Variants in ERICH6B observed in about 807,000 individuals in gnomAD.
ERICH6B encodes glutamate-rich protein 6B.
In ERICH6B, 69 loss-of-function variants were observed where a neutral mutation model predicts 80.0. The observed-to-expected ratio is 0.86, with a 90% CI of 0.71 to 1.05. The LOEUF is 1.05. Among genes scored for constraint, ERICH6B ranks in the 50% least tolerant of loss-of-function variants. ERICH6B has a pLI of 0.00. For missense variants in ERICH6B, 754 were observed against 796.1 expected (o/e 0.95, Z 0.64); for synonymous variants, 283 against 291.9 (o/e 0.97, Z 0.31).
intron 5 of ERICH6B, among the ~76,000 whole-genome samples, chr13:45,583,709 G>A (rs1288591962): frequency 2.0e-5 from 3 of 152,142 alleles, no homozygotes; most frequent in Non-Finnish European, 4.4e-5. Context: ...TGGACCTGAT[G>A]GTTTTATAAG....
chr13:45,559,863 AT>A (rs2137973734), intron 11 of ERICH6B, among the ~76,000 whole-genome samples: 1 of 152,312 alleles, frequency 6.6e-6, no homozygotes, highest in African/African-American at 2.4e-5. Context: ...TAGAAAGTAT[AT>A]TCTGCAGTGT....
At chr13:45,601,233 C>A (rs1022954866) in intron 2 of ERICH6B, among the ~76,000 whole-genome samples, 1 of 152,064 alleles carries the variant, frequency 6.6e-6, no homozygotes, top group African/African-American at 2.4e-5. Context: ...CTCTTTTCTC[C>A]TGTTGCAATA....
chr13:45,546,447 T>A (rs1212031635), intron 13 of ERICH6B, among the ~76,000 whole-genome samples: 1 of 152,248 alleles, frequency 6.6e-6, no homozygotes, highest in African/African-American at 2.4e-5. Context: ...GGCGATGTAC[T>A]ACATTTTATC....
rs116013470 is a variant in ERICH6B at position 45,554,962 on chromosome 13, C to A, written c.1408-4646G>T. Among the ~76,000 whole-genome samples, 852 of 152,286 alleles carry A rather than the reference C, an allele frequency of 5.6e-3. 8 individuals carry two copies. The highest frequency in any genetic ancestry group is 0.019 in the African/African-American group (806 of 41,548). On this transcript the variant is annotated intron_variant, in intron 11 of 14. Coordinates refer to ENST00000298738, the MANE Select transcript of ERICH6B (RefSeq NM_182542.3). ...ACTAAATGTGCCACTCCTTGCCACA[C>A]CTCATGGGTGCTTGGTGCAGCCCAA...
intron 7 of ERICH6B, among the ~76,000 whole-genome samples, chr13:45,577,758 A>C (rs1276533978): frequency 6.6e-6 from 1 of 152,070 alleles, no homozygotes; most frequent in Non-Finnish European, 1.5e-5. Flanking sequence ...ATGCCTGATT[A>C]ATTTTTAAAT....
Position 45,550,204 on chromosome 13 carries a change from C to T in ERICH6B, c.1493+27G>A, listed in dbSNP as rs759438269. The T allele has an allele frequency of 1.3e-4, 194 of 1,544,684 alleles. 1 individual carries two copies. The highest frequency in any genetic ancestry group is 1.7e-4 in the Middle Eastern group (1 of 6,002). ...TTTTAGGTGCCAATATATGTCAATA[C>T]GAGCATCCCTGTGCTTCTGTGGATA... On this transcript the variant is annotated intron_variant, in intron 12 of 14. Coordinates refer to ENST00000298738, the MANE Select transcript of ERICH6B (RefSeq NM_182542.3).
intron 8 of ERICH6B, among the ~76,000 whole-genome samples, chr13:45,569,999 C>A (rs1490127313): frequency 6.6e-6 from 1 of 152,222 alleles, no homozygotes; most frequent in Non-Finnish European, 1.5e-5. Context: ...ATGTTCTGTT[C>A]TCCAGAAAAC....
chr13:45,552,463 G>A (rs1200828041), intron 11 of ERICH6B, among the ~76,000 whole-genome samples: 2 of 151,352 alleles, frequency 1.3e-5, no homozygotes, highest in African/African-American at 4.9e-5. Context: ...GTTCTGCATG[G>A]AAAAGGATGC....
At chr13:45,563,916 T>G (rs1874805824) in intron 9 of ERICH6B, 128 bp from the exon 10 acceptor site, 1 of 732,402 alleles carries the variant, frequency 1.4e-6, no homozygotes, top group Non-Finnish European at 2.3e-6. Flanking sequence ...CCAATGGCTT[T>G]GCTTTCTAGG....
At chr13:45,602,108 C>G (rs144176801) in intron 2 of ERICH6B, among the ~76,000 whole-genome samples, 2 of 152,324 alleles carry the variant, frequency 1.3e-5, no homozygotes, top group African/African-American at 4.8e-5. Context: ...CAAGGACTGT[C>G]TGCAGCCCAG....
In ERICH6B at chr13:45,568,298, C is replaced by T. The variant is rs756883520; in HGVS notation, c.1187+17G>A. On this transcript the variant is annotated intron_variant, in intron 9 of 14. Transcript: ENST00000298738. ...CCAAATCCACTGACCAATCACTTGG[C>T]CTCACCAGTTACTTACATAATTACC... 6.5e-7 allele frequency: 1 copy of T among 1,531,448 alleles called. No individual in the cohort carries two copies. Among genetic ancestry groups the T allele is most frequent in the South Asian group, 1.3e-5 (1 of 79,038 alleles). 94.9% of individuals were successfully genotyped at this position (1,531,448 alleles called of 1,614,324 possible).
intron 7 of ERICH6B, among the ~76,000 whole-genome samples, 200 bp downstream of exon 7, chr13:45,579,733 C>G (rs188428052): frequency 3.9e-5 from 6 of 152,228 alleles, no homozygotes; most frequent in Admixed American, 3.3e-4. Context: ...CCTGTTCCTT[C>G]AGAGACCCTC....
At position 45,596,920 on chromosome 13, in the gene ERICH6B, G is replaced by T. The variant is rs1045659831; in HGVS notation, c.86C>A (p.Ser29Ter). 4 of 1,551,710 alleles carry T rather than the reference G, an allele frequency of 2.6e-6. No individual in the cohort carries two copies. The African/African-American group carries it at 4.1e-5, about 16-fold the overall frequency. ...TTCTACTTCAGTATCCTCTTTCTCTGAAGGCAAGTTCTGTGTGGAATATTG... is the reference window on the plus strand; with the variant it reads ...TTCTACTTCAGTATCCTCTTTCTCTTAAGGCAAGTTCTGTGTGGAATATTG... ...TPQYSTQNLP[S>*]EKEDTEVELD... Residue 29 changes from serine to a stop codon, truncating the protein, a stop_gained, in exon 3 of 15, where the codon TCA (serine) becomes TAA (stop). Transcript: ENST00000298738. LOFTEE classifies it high-confidence loss of function.
chr13:45,574,980 C>G, intron 7 of ERICH6B, 50 bp from the exon 8 acceptor site: 2 of 1,245,462 alleles, frequency 1.6e-6, no homozygotes, highest in South Asian at 1.4e-5. Flanking sequence ...GGAAAGAAAA[C>G]CAAAAACATA....
At chr13:45,562,058 A>C (rs1874705473) in intron 10 of ERICH6B, among the ~76,000 whole-genome samples, 1 of 152,230 alleles carries the variant, frequency 6.6e-6, no homozygotes, top group Non-Finnish European at 1.5e-5. Context: ...AAATCACACC[A>C]ATGACTGATT....
At chr13:45,541,735 C>T (rs911352243) in intron 14 of ERICH6B, 55 bp from the exon 15 acceptor site, 91 of 1,498,032 alleles carry the variant, frequency 6.1e-5, no homozygotes, top group Non-Finnish European at 7.9e-5. Flanking sequence ...AGCACGGTGC[C>T]CCAGACCCAG....
rs1361794275 is a variant in ERICH6B, at chr13:45,590,601, C to T, written c.686+48G>A. On this transcript the variant is annotated intron_variant, in intron 4 of 14. Coordinates refer to ENST00000298738, the MANE Select transcript of ERICH6B (RefSeq NM_182542.3). ...TCTCCAAGGGCTGCTGAAACATTGT[C>T]CCCAAGCAGGAGTTTCCACCTGATT... The T allele has an allele frequency of 2.0e-6, 3 of 1,513,950 alleles. No individual in the cohort carries two copies. The South Asian group carries it at 3.7e-5, about 18-fold the overall frequency. 93.8% of individuals were successfully genotyped at this position (1,513,950 alleles called of 1,614,324 possible). A position where few individuals can be genotyped will look rare whatever the true frequency, so the allele number is the denominator to read the frequency against.
At chr13:45,548,583 T>C (rs941603360) in intron 13 of ERICH6B, among the ~76,000 whole-genome samples, 1 of 152,044 alleles carries the variant, frequency 6.6e-6, no homozygotes, top group Non-Finnish European at 1.5e-5. Flanking sequence ...AGGGGTGCCG[T>C]GAAAGGATAC....
chr13:45,574,808 T>TGGG lies in ERICH6B; in HGVS notation c.1050+31_1050+33dup, dbSNP rs140782618. 9.7e-5 allele frequency: 129 copies of TGGG among 1,330,352 alleles called. No individual in the cohort carries two copies. In the African/African-American group the frequency reaches 1.7e-3, roughly 17 times the overall value. The allele number at this position is 1,330,352 out of a possible 1,614,324, so 82.4% of individuals were successfully genotyped here. On this transcript the variant is annotated intron_variant, in intron 8 of 14. Coordinates refer to ENST00000298738, the MANE Select transcript of ERICH6B (RefSeq NM_182542.3). ...GGGCCACCCTACATTTGGAGGAAGC[T>TGGG]GGGGGGGGGGTCTCAAGTTTTTATC...
Sources: allele counts gnomAD v4.1 joint callset (sites outside exome capture counted in the v4.1 genomes callset), GRCh38; gene constraint gnomAD v4.1.1; transcripts MANE v1.5; gene names NCBI Gene and HGNC (gene_info 2026-07-23, HGNC 2026-07-21).